Variants in DHX15 observed in about 807,000 individuals in gnomAD.
DHX15 encodes the protein ATP-dependent RNA helicase DHX15.
Under a neutral mutation model 94.4 loss-of-function variants are expected in DHX15, and 11 were observed. The ratio of observed to expected loss-of-function variants is 0.12; its 90% CI spans 0.07 to 0.19. DHX15 has a LOEUF of 0.19. Ranked by LOEUF, DHX15 falls within the 10% of genes least tolerant of loss-of-function variation. DHX15 has a pLI of 1.00. For synonymous variants in DHX15, 338 were observed against 329.9 expected (o/e 1.02, Z -0.27); for missense variants, 304 against 988.5 (o/e 0.31, Z 9.29).
chr4:24,552,149 T>C (rs1309328549), intron 5 of DHX15, among the ~76,000 whole-genome samples: 1 of 152,180 alleles, frequency 6.6e-6, no homozygotes, highest in Admixed American at 6.5e-5. Flanking sequence ...TCTGCATTCA[T>C]CAGAATATAA....
Position 24,569,459 on chromosome 4 carries a change from G to A in DHX15, c.701+1195C>T, listed in dbSNP as rs185614181. On this transcript the variant is annotated intron_variant, in intron 3 of 13. Coordinates refer to ENST00000336812, the MANE Select transcript of DHX15 (RefSeq NM_001358.3). ...TACAAAAAGTTAGCCAGGCATGGTGGCGCACACCTATAGTCCCAGCTACCT... is the reference window on the plus strand; with the variant it reads ...TACAAAAAGTTAGCCAGGCATGGTGACGCACACCTATAGTCCCAGCTACCT... Among the ~76,000 whole-genome samples the A allele has an allele frequency of 4.6e-5, 7 of 152,108 alleles. No homozygotes were observed. The East Asian group carries it at 1.4e-3, about 29-fold the overall frequency.
rs910665326 is a variant in DHX15 at position 24,535,420 on chromosome 4, C to T, written c.1909+1631G>A. Among the ~76,000 whole-genome samples, 7 of 152,234 alleles carry T rather than the reference C, an allele frequency of 4.6e-5. No homozygotes were observed. In the South Asian group the frequency reaches 6.2e-4, roughly 14 times the overall value. ...TATCTCTTGGTCACCCAGCATGTTT[C>T]GCATAGAAGAGGAATACAGTAGGTT... On this transcript the variant is annotated intron_variant, in intron 11 of 13. Transcript: ENST00000336812.
chr4:24,540,687 G>A (rs1246443153), intron 9 of DHX15, among the ~76,000 whole-genome samples, 153 bp downstream of exon 9: 2 of 151,562 alleles, frequency 1.3e-5, no homozygotes, highest in African/African-American at 4.8e-5. Context: ...ACCTTTTTTA[G>A]TTTTAATGCT....
chr4:24,579,112 T>G (rs561940275), intron 1 of DHX15, among the ~76,000 whole-genome samples: 3 of 152,306 alleles, frequency 2.0e-5, no homozygotes, highest in South Asian at 4.1e-4. Flanking sequence ...GATCAAGCAA[T>G]GGCGACAGCT....
In DHX15 at chr4:24,540,836, A is replaced by G; in HGVS notation, c.1594+4T>C. 6.6e-7 allele frequency: 1 copy of G among 1,519,256 alleles called. No homozygotes were observed. The highest frequency in any genetic ancestry group is 1.1e-5 in the South Asian group (1 of 87,102). 94.1% of individuals were successfully genotyped at this position (1,519,256 alleles called of 1,614,324 possible). A position where few individuals can be genotyped will look rare whatever the true frequency, so the allele number is the denominator to read the frequency against. On this transcript the variant is annotated splice_donor_region_variant and intron_variant, in intron 9 of 13. Transcript: ENST00000336812. ...TGATAAAAATGTGTTTTGATAAGTC[A>G]TACCTGGTGGATCCATAAAATCAAA...
intron 2 of DHX15, among the ~76,000 whole-genome samples, 199 bp from the exon 3 acceptor site, chr4:24,571,046 C>T (rs2109008960): frequency 6.6e-6 from 1 of 152,294 alleles, no homozygotes; most frequent in East Asian, 1.9e-4. Context: ...TGATATGACA[C>T]ACACCCAAGT....
intron 11 of DHX15, chr4:24,533,401 G>A: frequency 3.3e-6 from 1 of 306,592 alleles, no homozygotes; most frequent in Non-Finnish European, 6.2e-6. Flanking sequence ...AAAAGTCATG[G>A]CCTGTTCATT....
intron 1 of DHX15, among the ~76,000 whole-genome samples, chr4:24,583,352 C>T (rs1207636628): frequency 6.6e-6 from 1 of 152,152 alleles, no homozygotes. Flanking sequence ...AGTATTTCAA[C>T]TCTCAACCTC....
chr4:24,530,919 A>G (rs1721071442), intron 12 of DHX15: 1 of 152,176 alleles, frequency 6.6e-6, no homozygotes, highest in African/African-American at 2.4e-5. Flanking sequence ...GTTTGTTTTT[A>G]AAAAGAGATA....
At chr4:24,559,803 C>T (rs1721823396) in intron 3 of DHX15, among the ~76,000 whole-genome samples, 1 of 152,134 alleles carries the variant, frequency 6.6e-6, no homozygotes, top group Non-Finnish European at 1.5e-5. Flanking sequence ...CTCAGATCTA[C>T]TTAATCAGAA....
At chr4:24,536,841 T>C (rs943101817) in intron 11 of DHX15, among the ~76,000 whole-genome samples, 13 of 152,208 alleles carry the variant, frequency 8.5e-5, no homozygotes, top group Non-Finnish European at 4.4e-5. Flanking sequence ...TTTTCTACAA[T>C]TGGTGCTTTA....
At chr4:24,565,417 G>C (rs1390848282) in intron 3 of DHX15, among the ~76,000 whole-genome samples, 2 of 152,232 alleles carry the variant, frequency 1.3e-5, no homozygotes, top group East Asian at 1.9e-4. Flanking sequence ...CTTTTTAAGA[G>C]TCCAATAAAA....
chr4:24,573,292 G>T (rs75517740), intron 2 of DHX15, among the ~76,000 whole-genome samples: 14,453 of 152,142 alleles, frequency 0.095, 1,018 homozygotes, highest in Middle Eastern at 0.23. Context: ...CTGATCCTCG[G>T]TGTTCTAGTC....
intron 13 of DHX15, among the ~76,000 whole-genome samples, 177 bp from the exon 14 acceptor site, chr4:24,528,218 A>T (rs1043193550): frequency 6.6e-6 from 1 of 152,194 alleles, no homozygotes; most frequent in African/African-American, 2.4e-5. Context: ...GAAATGTGTT[A>T]AGTATTTTAT....
intron 4 of DHX15, 71 bp downstream of exon 4, chr4:24,556,180 A>C (rs1721734683): frequency 3.2e-6 from 4 of 1,240,932 alleles, no homozygotes. Flanking sequence ...GTTATTGATC[A>C]GTATGTATTC....
chr4:24,545,254 T>G (rs1721399641), intron 6 of DHX15, among the ~76,000 whole-genome samples: 1 of 152,208 alleles, frequency 6.6e-6, no homozygotes, highest in Non-Finnish European at 1.5e-5. Flanking sequence ...AAAATACATT[T>G]CACATATTTC....
At chr4:24,536,229 A>G (rs1243615655) in intron 11 of DHX15, among the ~76,000 whole-genome samples, 1 of 152,196 alleles carries the variant, frequency 6.6e-6, no homozygotes, top group Non-Finnish European at 1.5e-5. Context: ...CAATTACTTC[A>G]TATGTCTACA....
chr4:24,580,016 G>A (rs1722373306), intron 1 of DHX15, among the ~76,000 whole-genome samples: 2 of 152,040 alleles, frequency 1.3e-5, no homozygotes, highest in South Asian at 2.1e-4. Flanking sequence ...TGACTGCCTC[G>A]GCCTCCCAAA....
chr4:24,554,657 G>A, intron 5 of DHX15, 68 bp downstream of exon 5: 2 of 1,153,624 alleles, frequency 1.7e-6, no homozygotes, highest in Non-Finnish European at 2.5e-6. Flanking sequence ...ATGTTCTTAT[G>A]ATTAAGGTTG....
Sources: allele counts gnomAD v4.1 joint callset (sites outside exome capture counted in the v4.1 genomes callset), GRCh38; gene constraint gnomAD v4.1.1; transcripts MANE v1.5; gene names NCBI Gene and HGNC (gene_info 2026-07-23, HGNC 2026-07-21).